The following AATF variants were observed in gnomAD, a reference collection of about 807,000 sequenced individuals.
AATF encodes the protein protein AATF.
In AATF, 48 loss-of-function variants were observed where a neutral mutation model predicts 63.7. The observed-to-expected ratio is 0.75, with a 90% CI of 0.60 to 0.96. The LOEUF (loss-of-function observed/expected upper bound fraction) is 0.96, where lower values mean the gene tolerates loss of function less well. Among genes scored for constraint, AATF ranks in the 40% least tolerant of loss-of-function variants. The pLI, the probability that AATF is intolerant of heterozygous loss-of-function variation, is 0.00. For synonymous variants in AATF, 258 were observed against 247.7 expected (o/e 1.04, Z -0.39); for missense variants, 639 against 685.7 (o/e 0.93, Z 0.76).
At chr17:37,043,948 CTT>C (rs1299996415) in intron 11 of AATF, among the ~76,000 whole-genome samples, 2 of 152,098 alleles carry the variant, frequency 1.3e-5, no homozygotes, top group Non-Finnish European at 2.9e-5. Context: ...AATAAACAAA[CTT>C]TGTGTTTTCA....
chr17:37,008,911 T>C (rs1201956270), intron 8 of AATF, among the ~76,000 whole-genome samples: 1 of 152,198 alleles, frequency 6.6e-6, no homozygotes, highest in African/African-American at 2.4e-5. Context: ...TCAAGACATC[T>C]GTCTTGCAGT....
intron 10 of AATF, among the ~76,000 whole-genome samples, chr17:37,022,522 C>T (rs1304888347): frequency 6.7e-6 from 1 of 149,358 alleles, no homozygotes; most frequent in Non-Finnish European, 1.5e-5. Flanking sequence ...GTTATAATTT[C>T]TTTACCTCTT....
chr17:37,039,995 C>T (rs541072444), intron 11 of AATF, among the ~76,000 whole-genome samples: 13 of 152,276 alleles, frequency 8.5e-5, no homozygotes, highest in African/African-American at 2.9e-4. Context: ...ATATTCTCAT[C>T]GCTTCTTCAA....
In AATF at chr17:37,056,617, T is replaced by A; in HGVS notation, c.1636T>A (p.Ser546Thr). 1 of 1,614,210 alleles carries A rather than the reference T, an allele frequency of 6.2e-7. No individual in the cohort carries two copies. The highest frequency in any genetic ancestry group is 8.5e-7 in the Non-Finnish European group (1 of 1,180,036). ...NDDARTELYRSLFGQLHPPDE... is the reference protein window; with the variant it reads ...NDDARTELYRTLFGQLHPPDE... ...GTCTTTTAGGACAGAACTGTACCGC[T>A]CTCTTTTTGGCCAGCTCCACCCTCC... The change falls in exon 12 of 12, where the codon TCT becomes ACT. Residue 546 changes from serine to threonine, a missense_variant. Physicochemically the swap from Ser to Thr is moderately conservative, Grantham distance 58 (BLOSUM62 1). Coordinates refer to ENST00000619387, the MANE Select transcript of AATF (RefSeq NM_012138.4).
chr17:37,028,116 A>G (rs2071523929), intron 10 of AATF, among the ~76,000 whole-genome samples: 1 of 152,164 alleles, frequency 6.6e-6, no homozygotes. Flanking sequence ...TTTCACATCT[A>G]AGAGTTATGT....
intron 8 of AATF, among the ~76,000 whole-genome samples, chr17:37,015,305 G>A (rs911747906): frequency 6.6e-6 from 1 of 152,172 alleles, no homozygotes; most frequent in African/African-American, 2.4e-5. Flanking sequence ...TGTTTGTGCT[G>A]CTATAGTAAA....
At chr17:36,980,004 A>G (rs957118749) in intron 4 of AATF, among the ~76,000 whole-genome samples, 2 of 152,214 alleles carry the variant, frequency 1.3e-5, no homozygotes, top group African/African-American at 4.8e-5. Flanking sequence ...GATTTTTACC[A>G]TGTGAAATAT....
At chr17:37,025,515 T>C (rs2071504503) in intron 10 of AATF, among the ~76,000 whole-genome samples, 1 of 151,626 alleles carries the variant, frequency 6.6e-6, no homozygotes, top group South Asian at 2.1e-4. Flanking sequence ...CAGGAGGAGG[T>C]TACGACAGCG....
In AATF at chr17:37,056,618, C is replaced by T; in HGVS notation, c.1637C>T (p.Ser546Phe). 3.1e-6 allele frequency: 5 copies of T among 1,614,234 alleles called. No homozygotes were observed. Among genetic ancestry groups the T allele is most frequent in the South Asian group, 2.2e-5 (2 of 91,090 alleles). Residue 546 changes from serine (S) to phenylalanine (F), a missense_variant, in exon 12 of 12, where the codon TCT (serine) becomes TTT (phenylalanine). Physicochemically the swap from Ser to Phe is radical, Grantham distance 155. Transcript: ENST00000619387. ...NDDARTELYR[S>F]LFGQLHPPDE... ...TCTTTTAGGACAGAACTGTACCGCT[C>T]TCTTTTTGGCCAGCTCCACCCTCCC...
chr17:36,965,331 C>A (rs1485025370), intron 4 of AATF, among the ~76,000 whole-genome samples: 1 of 152,136 alleles, frequency 6.6e-6, no homozygotes, highest in African/African-American at 2.4e-5. Flanking sequence ...TGGTCCTCTT[C>A]CATCTTTAAA....
intron 8 of AATF, among the ~76,000 whole-genome samples, chr17:36,994,997 C>G (rs918466389): frequency 1.3e-5 from 2 of 152,136 alleles, no homozygotes; most frequent in Non-Finnish European, 2.9e-5. Flanking sequence ...TTTTCATATC[C>G]CAGATCGCAA....
chr17:37,048,161 T>C (rs2071710431), intron 11 of AATF, among the ~76,000 whole-genome samples: 1 of 152,062 alleles, frequency 6.6e-6, no homozygotes, highest in African/African-American at 2.4e-5. Context: ...GTGATCCTCC[T>C]TGGGTTGTTG....
intron 4 of AATF, among the ~76,000 whole-genome samples, chr17:36,975,010 G>A (rs1471493153): frequency 6.6e-6 from 1 of 152,090 alleles, no homozygotes; most frequent in East Asian, 1.9e-4. Context: ...GTTGTGAGAT[G>A]TTATTTTCTT....
chr17:37,015,007 GT>G (rs921762953), intron 8 of AATF, among the ~76,000 whole-genome samples: 4 of 151,942 alleles, frequency 2.6e-5, no homozygotes, highest in Admixed American at 1.3e-4. Context: ...AGTTTTGGGG[GT>G]TTTTTTCTCC....
chr17:37,033,419 T>A (rs1337137876), intron 11 of AATF, among the ~76,000 whole-genome samples: 4 of 152,208 alleles, frequency 2.6e-5, no homozygotes, highest in Non-Finnish European at 5.9e-5. Context: ...CTAGTTTAGA[T>A]ATTAGTGGTA....
chr17:37,026,059 T>G (rs1246770691), intron 10 of AATF, among the ~76,000 whole-genome samples: 3 of 152,168 alleles, frequency 2.0e-5, no homozygotes, highest in Non-Finnish European at 4.4e-5. Context: ...CAACATCATT[T>G]CTGTGGTATT....
Position 36,988,625 on chromosome 17 carries a change from A to G in AATF, c.1054A>G (p.Met352Val). 5 of 1,614,204 alleles carry G rather than the reference A, an allele frequency of 3.1e-6. No homozygotes were observed. Among genetic ancestry groups the G allele is most frequent in the Non-Finnish European group, 4.2e-6 (5 of 1,180,020 alleles). ...KLEMEDYPSF[M>V]AKRFADFTVY... The stretch of plus-strand genomic sequence containing the variant: ...GGAGATGGAGGACTATCCCAGCTTC[A>G]TGGCAAAGCGCTTTGCCGACTTTAC... The change falls in exon 6 of 12, where the codon ATG becomes GTG. Residue 352 changes from methionine (M) to valine (V), a missense_variant. Transcript: ENST00000619387.
intron 11 of AATF, among the ~76,000 whole-genome samples, chr17:37,049,368 C>T (rs925652349): frequency 1.5e-4 from 23 of 151,980 alleles, no homozygotes; most frequent in Middle Eastern, 3.2e-3. Flanking sequence ...TTTGGGAGGC[C>T]GAGGCGGGCA....
chr17:36,983,191 G>A (rs1395595540), intron 4 of AATF, among the ~76,000 whole-genome samples: 2 of 151,964 alleles, frequency 1.3e-5, no homozygotes, highest in Non-Finnish European at 2.9e-5. Context: ...ACTGGTGTAC[G>A]CTGCCATACC....
Sources: gnomAD v4.1 joint callset for allele counts (sites outside exome capture counted in the v4.1 genomes callset) on GRCh38, gnomAD v4.1.1 for gene constraint, MANE v1.5 for transcripts, NCBI Gene and HGNC (gene_info 2026-07-23, HGNC 2026-07-21) for gene names.